DCLK2: variants seen among roughly 807,000 people sequenced by gnomAD.
DCLK2 encodes doublecortin like kinase 2.
DCLK2 carries 31 observed loss-of-function variants against 78.4 expected under a neutral mutation model. The ratio of observed to expected loss-of-function variants is 0.40; its 90% CI spans 0.30 to 0.53. The LOEUF (loss-of-function observed/expected upper bound fraction) is 0.53. Among genes scored for constraint, DCLK2 ranks in the 20% least tolerant of loss-of-function variants. The probability of loss-of-function intolerance (pLI) is 0.61; values close to 1 mark genes in which losing one functional copy is unlikely to be tolerated. For synonymous variants in DCLK2, 407 were observed against 374.9 expected (o/e 1.09, Z -0.99); for missense variants, 872 against 973.7 (o/e 0.90, Z 1.39).
chr4:150,090,115 C>T (rs561719813), intron 1 of DCLK2, among the ~76,000 whole-genome samples: 5 of 151,134 alleles, frequency 3.3e-5, no homozygotes, highest in African/African-American at 9.7e-5. Context: ...TCAAAATAAA[C>T]GCCCTATGGG....
chr4:150,124,838 G>T (rs1212407388), intron 2 of DCLK2, among the ~76,000 whole-genome samples: 1 of 152,158 alleles, frequency 6.6e-6, no homozygotes, highest in Non-Finnish European at 1.5e-5. Context: ...TTCCCACCTA[G>T]GCAGTACCAA....
intron 2 of DCLK2, among the ~76,000 whole-genome samples, chr4:150,179,172 C>T (rs570653098): frequency 2.0e-5 from 3 of 152,176 alleles, no homozygotes; most frequent in South Asian, 2.1e-4. Flanking sequence ...GGACTACAGG[C>T]GCCCGCCACC....
At chr4:150,081,044 A>C (rs1346747663) in intron 1 of DCLK2, among the ~76,000 whole-genome samples, 1 of 152,224 alleles carries the variant, frequency 6.6e-6, no homozygotes, top group Non-Finnish European at 1.5e-5. Context: ...GCTATTTTAA[A>C]ACAGAGTAAC....
At chr4:150,203,716 A>C (rs754837122) in intron 4 of DCLK2, 79 bp from the exon 5 acceptor site, 5 of 1,163,870 alleles carry the variant, frequency 4.3e-6, no homozygotes, top group Non-Finnish European at 6.4e-6. Context: ...TATATTGTGC[A>C]TGCACCTAGT....
chr4:150,100,584 T>C (rs1730818932), intron 1 of DCLK2, among the ~76,000 whole-genome samples: 1 of 152,220 alleles, frequency 6.6e-6, no homozygotes, highest in African/African-American at 2.4e-5. Context: ...TTCCATCTTA[T>C]ATTTTGAATC....
chr4:150,096,085 C>T (rs752072252), intron 1 of DCLK2, among the ~76,000 whole-genome samples: 3 of 152,160 alleles, frequency 2.0e-5, no homozygotes, highest in Non-Finnish European at 2.9e-5. Flanking sequence ...GGGTGAGGCC[C>T]AGACATGGGG....
intron 2 of DCLK2, among the ~76,000 whole-genome samples, chr4:150,191,361 G>T (rs965836895): frequency 1.3e-5 from 2 of 151,928 alleles, no homozygotes; most frequent in African/African-American, 4.8e-5. Context: ...AAACAGAAAT[G>T]ACAGATTCCA....
intron 12 of DCLK2, among the ~76,000 whole-genome samples, chr4:150,245,745 A>G (rs1286865894): frequency 6.6e-6 from 1 of 152,168 alleles, no homozygotes; most frequent in Admixed American, 6.6e-5. Flanking sequence ...TATGTGCCAC[A>G]TTTTCTTAAT....
chr4:150,079,510 A>T, intron 1 of DCLK2, 62 bp downstream of exon 1: 1 of 1,415,536 alleles, frequency 7.1e-7, no homozygotes, highest in Non-Finnish European at 9.3e-7. Context: ...AGTGGGCGTG[A>T]GCCGGCGCAG....
chr4:150,174,329 T>C (rs1010312866), intron 2 of DCLK2, among the ~76,000 whole-genome samples: 3 of 152,194 alleles, frequency 2.0e-5, no homozygotes, highest in South Asian at 2.1e-4. Flanking sequence ...CTTGTCAGCA[T>C]TGATATTCCC....
intron 2 of DCLK2, among the ~76,000 whole-genome samples, chr4:150,120,303 A>G (rs1182400558): frequency 1.3e-5 from 2 of 152,114 alleles, no homozygotes; most frequent in African/African-American, 2.4e-5. Context: ...CCCCAACTCA[A>G]AATTTTATAT....
chr4:150,253,462 T>C (rs1744333121), intron 15 of DCLK2: 1 of 1,289,508 alleles, frequency 7.8e-7, no homozygotes, highest in Non-Finnish European at 1.0e-6. Context: ...TTATCTGCAT[T>C]TTGTTTGACA....
intron 10 of DCLK2, among the ~76,000 whole-genome samples, chr4:150,234,617 G>A (rs910670933): frequency 3.9e-5 from 6 of 151,934 alleles, no homozygotes; most frequent in Non-Finnish European, 7.4e-5. Flanking sequence ...TTTTCTTTTT[G>A]GTAATATCAT....
chr4:150,084,949 A>G (rs1016183411), intron 1 of DCLK2, among the ~76,000 whole-genome samples: 2 of 152,104 alleles, frequency 1.3e-5, no homozygotes, highest in African/African-American at 2.4e-5. Context: ...TCTTCTCTGC[A>G]TTGCTACCAT....
intron 2 of DCLK2, among the ~76,000 whole-genome samples, chr4:150,186,894 A>ATTGTG (rs377415773): frequency 6.8e-6 from 1 of 147,498 alleles, no homozygotes. Flanking sequence ...CTATCTCAAA[A>ATTGTG]TGTGTGTGTG....
chr4:150,126,960 A>G (rs1175911059), intron 2 of DCLK2, among the ~76,000 whole-genome samples: 2 of 152,130 alleles, frequency 1.3e-5, no homozygotes, highest in Non-Finnish European at 1.5e-5. Context: ...AGTTCTGGCT[A>G]GTTGCTTTGT....
chr4:150,257,418 A>C lies in DCLK2; in HGVS notation c.*1171A>C, dbSNP rs2126662039. The stretch of plus-strand genomic sequence containing the variant: ...TACAAGTGTCCCCAACCTGCAATAA[A>C]CTTTTCCCTCTTGAAAAAAAGTAAT... On this transcript the variant is annotated 3_prime_UTR_variant, in exon 16 of 16. Coordinates refer to ENST00000296550, the MANE Select transcript of DCLK2 (RefSeq NM_001040260.4). 6.6e-6 allele frequency: 1 copy of C among 152,602 alleles called. No homozygotes were observed. The highest frequency in any genetic ancestry group is 2.4e-5 in the African/African-American group (1 of 41,508). 9.5% of individuals were successfully genotyped at this position (152,602 alleles called of 1,614,324 possible). A position where few individuals can be genotyped will look rare whatever the true frequency, so the allele number is the denominator to read the frequency against.
intron 2 of DCLK2, among the ~76,000 whole-genome samples, chr4:150,183,199 G>A (rs898566693): frequency 6.6e-6 from 1 of 152,188 alleles, no homozygotes; most frequent in Admixed American, 6.5e-5. Context: ...ATCCAGTGAT[G>A]TTCCTTTTGA....
intron 1 of DCLK2, among the ~76,000 whole-genome samples, chr4:150,091,962 C>A (rs1339023499): frequency 6.6e-6 from 1 of 152,092 alleles, no homozygotes; most frequent in Non-Finnish European, 1.5e-5. Flanking sequence ...GCAGCAGCCT[C>A]CCATTTTCTC....
Sources: allele counts gnomAD v4.1 joint callset (sites outside exome capture counted in the v4.1 genomes callset), GRCh38; gene constraint gnomAD v4.1.1; transcripts MANE v1.5; gene names NCBI Gene and HGNC (gene_info 2026-07-23, HGNC 2026-07-21).